The following ACYP2 variants were observed in gnomAD, a reference collection of about 807,000 sequenced individuals.
The protein encoded by ACYP2 is acylphosphatase-2.
In ACYP2, 12 loss-of-function variants were observed where a neutral mutation model predicts 11.2. The observed-to-expected ratio is 1.08, with a 90% CI of 0.69 to 1.74. The LOEUF (loss-of-function observed/expected upper bound fraction) is 1.74. Among genes scored for constraint, ACYP2 ranks in the 40% most tolerant of loss-of-function variants. The pLI, the probability that ACYP2 is intolerant of heterozygous loss-of-function variation, is 0.00. For missense variants in ACYP2, 134 were observed against 101.9 expected, an observed-to-expected ratio of 1.31 and a Z score of -1.35; for synonymous variants, 43 against 32.2, an observed-to-expected ratio of 1.33 and a Z score of -1.13.
chr2:54,009,541 G>A (rs1036804880), intron 2 of ACYP2, among the ~76,000 whole-genome samples: 2 of 152,096 alleles, frequency 1.3e-5, no homozygotes, highest in Admixed American at 1.3e-4. Context: ...ATCACTGCAC[G>A]CCAGCCTGGG....
intron 6 of ACYP2, among the ~76,000 whole-genome samples, chr2:54,140,098 A>C (rs1681520125): frequency 6.6e-6 from 1 of 152,194 alleles, no homozygotes; most frequent in African/African-American, 2.4e-5. Flanking sequence ...GTTCAGTTTC[A>C]CAAACTGTGG....
At chr2:54,209,864 G>A (rs921807884) in intron 6 of ACYP2, among the ~76,000 whole-genome samples, 4 of 152,012 alleles carry the variant, frequency 2.6e-5, no homozygotes, top group East Asian at 3.9e-4. Flanking sequence ...AATCAAGGCC[G>A]GCGCAGTGGC....
chr2:53,999,622 G>A (rs765830690), intron 2 of ACYP2, among the ~76,000 whole-genome samples: 2 of 152,022 alleles, frequency 1.3e-5, no homozygotes, highest in Non-Finnish European at 2.9e-5. Context: ...CATAAAACAG[G>A]CCCTGTTTTA....
At chr2:54,071,667 A>G (rs1213828247) in intron 4 of ACYP2, among the ~76,000 whole-genome samples, 1 of 152,112 alleles carries the variant, frequency 6.6e-6, no homozygotes, top group African/African-American at 2.4e-5. Context: ...CATGTTGCCC[A>G]GGTTGGTCTA....
intron 6 of ACYP2, among the ~76,000 whole-genome samples, chr2:54,293,975 A>G (rs1689419032): frequency 6.6e-6 from 1 of 152,262 alleles, no homozygotes; most frequent in African/African-American, 2.4e-5. Flanking sequence ...ATGCTAGTTT[A>G]AAAGCTTGAA....
At chr2:54,255,561 G>T (rs1300159615) in intron 6 of ACYP2, 1 of 1,609,748 alleles carries the variant, frequency 6.2e-7, no homozygotes, top group Non-Finnish European at 8.5e-7. Flanking sequence ...GGAGACCCAC[G>T]TTCAGGGGCC....
intron 6 of ACYP2, among the ~76,000 whole-genome samples, chr2:54,158,445 A>G (rs1342798623): frequency 1.3e-5 from 2 of 151,884 alleles, no homozygotes; most frequent in African/African-American, 2.4e-5. Context: ...GTTTCAAGCA[A>G]TCCTCCAGCC....
chr2:54,137,968 C>T (rs1471567554), intron 5 of ACYP2, among the ~76,000 whole-genome samples: 1 of 152,066 alleles, frequency 6.6e-6, no homozygotes, highest in Non-Finnish European at 1.5e-5. Flanking sequence ...TTTTAATAAT[C>T]GCCATTCTGA....
chr2:54,263,211 A>G (rs992616087), intron 6 of ACYP2, among the ~76,000 whole-genome samples: 4 of 152,292 alleles, frequency 2.6e-5, no homozygotes, highest in South Asian at 2.1e-4. Flanking sequence ...GCGGAAGGCA[A>G]AGGGGCAACA....
At chr2:54,188,566 TAAC>T (rs1221375452) in intron 6 of ACYP2, among the ~76,000 whole-genome samples, 1 of 152,200 alleles carries the variant, frequency 6.6e-6, no homozygotes, top group African/African-American at 2.4e-5. Context: ...TTCTAAATAT[TAAC>T]AAGGATTATT....
At chr2:54,157,505 C>T (rs908545532) in intron 6 of ACYP2, among the ~76,000 whole-genome samples, 5 of 152,080 alleles carry the variant, frequency 3.3e-5, no homozygotes, top group African/African-American at 9.7e-5. Flanking sequence ...TTATGAATCT[C>T]GTTGCAGTGA....
At position 54,043,803 on chromosome 2, in the gene ACYP2, C is replaced by T. The variant is rs1052231948; in HGVS notation, c.63-7155C>T. On this transcript the variant is annotated intron_variant, in intron 2 of 6. Coordinates refer to ENST00000607452, the MANE Select transcript of ACYP2 (RefSeq NM_001320586.2). ...ATCTAACCTTATTCATAAAAGGCAG[C>T]GATACATCAACCCCTGCAGTCCACA... Among the ~76,000 whole-genome samples, 6 of 152,090 alleles carry T rather than the reference C, an allele frequency of 3.9e-5. No homozygotes were observed. In the South Asian group the frequency reaches 6.2e-4, roughly 16 times the overall value.
intron 2 of ACYP2, among the ~76,000 whole-genome samples, chr2:54,049,687 C>A (rs1174260503): frequency 6.6e-6 from 1 of 152,156 alleles, no homozygotes; most frequent in African/African-American, 2.4e-5. Flanking sequence ...TGAGTACTTT[C>A]TATTCTTTCA....
chr2:54,203,042 A>G (rs924869835), intron 6 of ACYP2, among the ~76,000 whole-genome samples: 3 of 152,130 alleles, frequency 2.0e-5, no homozygotes, highest in Non-Finnish European at 4.4e-5. Context: ...TATTGACACT[A>G]TAGATCAACT....
intron 2 of ACYP2, among the ~76,000 whole-genome samples, chr2:54,008,708 G>T (rs1673203287): frequency 6.6e-6 from 1 of 152,130 alleles, no homozygotes; most frequent in African/African-American, 2.4e-5. Context: ...TTGCCATGTT[G>T]CCCAGGCTGA....
At chr2:54,144,936 A>C (rs948358583) in intron 6 of ACYP2, among the ~76,000 whole-genome samples, 2 of 152,120 alleles carry the variant, frequency 1.3e-5, no homozygotes, top group African/African-American at 4.8e-5. Context: ...AGTCTTCAAC[A>C]TGAGTCCTAG....
intron 6 of ACYP2, among the ~76,000 whole-genome samples, chr2:54,235,395 C>T (rs1158400713): frequency 6.6e-6 from 1 of 152,092 alleles, no homozygotes; most frequent in African/African-American, 2.4e-5. Context: ...GTCACCCAGG[C>T]TGGAGTCCAG....
In ACYP2 at chr2:54,004,433, CAG is replaced by C. The variant is rs1188810718; in HGVS notation, c.62+30626_62+30627del. 7.5e-5 allele frequency among the ~76,000 whole-genome samples: 8 copies of C among 106,274 alleles called. No homozygotes were observed. The Admixed American group carries it at 1.1e-3, about 14-fold the overall frequency. The allele number at this position is 106,274 out of a possible 152,430, so 69.7% of individuals were successfully genotyped here. On this transcript the variant is annotated intron_variant, in intron 2 of 6. Coordinates refer to ENST00000607452, the MANE Select transcript of ACYP2 (RefSeq NM_001320586.2). ...TTTTTTTTTTTTTTTTTTTTTGAGA[CAG>C]AGTCTCGCTCTATCGCCCAGGCTGG...
intron 6 of ACYP2, among the ~76,000 whole-genome samples, chr2:54,202,706 CTTTTTTTTTTTTTTTTT>C (rs70944152): frequency 8.1e-4 from 35 of 43,082 alleles, no homozygotes; most frequent in South Asian, 3.5e-3. Context: ...CGGCGCCTGG[CTTTTTTTTTTTTTTTTT>C]TTTTTTTTTT....
Sources: allele counts gnomAD v4.1 joint callset (sites outside exome capture counted in the v4.1 genomes callset), GRCh38; gene constraint gnomAD v4.1.1; transcripts MANE v1.5; gene names NCBI Gene and HGNC (gene_info 2026-07-23, HGNC 2026-07-21).